CSMD1: variants seen among roughly 807,000 people sequenced by gnomAD.
CSMD1 encodes the protein CUB and Sushi multiple domains 1.
Under a neutral mutation model 417.5 loss-of-function variants are expected in CSMD1, and 213 were observed. The observed-to-expected ratio is 0.51, with a 90% CI of 0.46 to 0.57. The LOEUF (loss-of-function observed/expected upper bound fraction) is 0.57, where lower values mean the gene tolerates loss of function less well. Among genes scored for constraint, CSMD1 ranks in the 20% least tolerant of loss-of-function variants. CSMD1 has a pLI of 0.00. For missense variants in CSMD1, 6,923 were observed against 4,529.7 expected, an observed-to-expected ratio of 1.53 and a Z score of -15.17; for synonymous variants, 2,862 against 1,736.8, an observed-to-expected ratio of 1.65 and a Z score of -16.11.
At chr8:3,104,554 C>G (rs911647307) in intron 46 of CSMD1, among the ~76,000 whole-genome samples, 1 of 152,048 alleles carries the variant, frequency 6.6e-6, no homozygotes, top group Non-Finnish European at 1.5e-5. Context: ...AAAAAAAAAT[C>G]TAAGTTATTA....
At chr8:3,314,801 T>G (rs191993638) in intron 23 of CSMD1, among the ~76,000 whole-genome samples, 5 of 152,366 alleles carry the variant, frequency 3.3e-5, no homozygotes, top group African/African-American at 1.2e-4. Context: ...AGCTTTCAAG[T>G]ATTCGGATTA....
At chr8:4,650,186 A>C (rs988067419) in intron 1 of CSMD1, among the ~76,000 whole-genome samples, 2 of 151,804 alleles carry the variant, frequency 1.3e-5, no homozygotes, top group Non-Finnish European at 2.9e-5. Flanking sequence ...TCTAATAAAA[A>C]TCCAAAAAAT....
At chr8:3,926,094 C>CACACACACAAACACCATACAT (rs1281998066) in intron 5 of CSMD1, among the ~76,000 whole-genome samples, 1,399 of 59,906 alleles carry the variant, frequency 0.023, 75 homozygotes, top group African/African-American at 0.13. Context: ...CACACACACA[C>CACACACACAAACACCATACAT]ACACACACAC....
intron 26 of CSMD1, among the ~76,000 whole-genome samples, chr8:3,235,925 T>TTG (rs1352343313): frequency 1.4e-5 from 2 of 146,210 alleles, no homozygotes; most frequent in Non-Finnish European, 3.0e-5. Context: ...AGTTTTTTTT[T>TTG]TTTTTTTTTT....
At chr8:4,969,862 G>C (rs984073540) in intron 1 of CSMD1, among the ~76,000 whole-genome samples, 1 of 151,570 alleles carries the variant, frequency 6.6e-6, no homozygotes, top group Non-Finnish European at 1.5e-5. Flanking sequence ...AAACAAGTAG[G>C]ATATAGTGTC....
intron 1 of CSMD1, among the ~76,000 whole-genome samples, chr8:4,830,452 T>C (rs1437489039): frequency 6.6e-6 from 1 of 152,218 alleles, no homozygotes; most frequent in Admixed American, 6.5e-5. Context: ...TTTCAGATAA[T>C]GACTTAGGAT....
intron 2 of CSMD1, among the ~76,000 whole-genome samples, chr8:4,578,332 A>ATTTTTCTTTTTTTTTTTTTTTT (rs1799238990): frequency 4.1e-5 from 2 of 48,778 alleles, no homozygotes; most frequent in African/African-American, 1.5e-4. Context: ...CACCCGGCTC[A>ATTTTTCTTTTTTTTTTTTTTTT]TTTTTTTTTT....
At chr8:4,405,677 G>A (rs566487789) in intron 3 of CSMD1, among the ~76,000 whole-genome samples, 5 of 152,096 alleles carry the variant, frequency 3.3e-5, no homozygotes, top group Non-Finnish European at 5.9e-5. Context: ...ATCACTCATC[G>A]CTAAGCTCCA....
chr8:3,703,458 T>TCATG (rs1425146781), intron 7 of CSMD1, among the ~76,000 whole-genome samples: 3 of 152,148 alleles, frequency 2.0e-5, no homozygotes, highest in Non-Finnish European at 4.4e-5. Flanking sequence ...ATTCATTCAT[T>TCATG]CATTCATTCA....
intron 1 of CSMD1, among the ~76,000 whole-genome samples, chr8:4,654,315 G>T (rs1804091357): frequency 2.0e-5 from 3 of 152,018 alleles, no homozygotes; most frequent in Admixed American, 2.0e-4. Flanking sequence ...AATGGTTCAG[G>T]GATGTATTGC....
At chr8:3,959,500 A>G (rs1047186646) in intron 5 of CSMD1, among the ~76,000 whole-genome samples, 17 of 152,326 alleles carry the variant, frequency 1.1e-4, no homozygotes, top group African/African-American at 4.1e-4. Flanking sequence ...CTCCGTCAAG[A>G]AAGAAATAAT....
chr8:4,279,334 C>G (rs1796655095), intron 3 of CSMD1, among the ~76,000 whole-genome samples: 1 of 152,172 alleles, frequency 6.6e-6, no homozygotes, highest in Non-Finnish European at 1.5e-5. Flanking sequence ...ACACACAAGA[C>G]TAGACAGATA....
chr8:4,613,961 T>C (rs1801330401), intron 2 of CSMD1, among the ~76,000 whole-genome samples: 1 of 152,076 alleles, frequency 6.6e-6, no homozygotes, highest in African/African-American at 2.4e-5. Context: ...GAATTTTTAT[T>C]GTTAGGAATC....
At chr8:3,300,176 C>A (rs1276949264) in intron 25 of CSMD1, among the ~76,000 whole-genome samples, 1 of 151,986 alleles carries the variant, frequency 6.6e-6, no homozygotes. Context: ...AAACATTTGG[C>A]CATGTTTATT....
At position 4,311,861 on chromosome 8, in the gene CSMD1, C is replaced by A. The variant is rs111841350; in HGVS notation, c.415+108092G>T. On this transcript the variant is annotated intron_variant, in intron 3 of 69. Transcript: ENST00000635120. ...GAGCGGAAAAGATCACTGTTAGGTA[C>A]TGGGTATAATACCTGGGTGATCAAA... Among the ~76,000 whole-genome samples the A allele has an allele frequency of 1.9e-3, 292 of 152,154 alleles. 1 individual carries two copies. Among genetic ancestry groups the A allele is most frequent in the African/African-American group, 6.7e-3 (280 of 41,484 alleles).
intron 3 of CSMD1, among the ~76,000 whole-genome samples, chr8:4,045,664 A>C (rs535966511): frequency 1.3e-5 from 2 of 152,234 alleles, no homozygotes; most frequent in South Asian, 4.1e-4. Flanking sequence ...TTGTAGTAGA[A>C]ATAATTTTAA....
chr8:3,026,005 T>C (rs1381879280), intron 51 of CSMD1, among the ~76,000 whole-genome samples: 2 of 152,152 alleles, frequency 1.3e-5, no homozygotes, highest in Non-Finnish European at 2.9e-5. Context: ...GTCCCACCCC[T>C]GAGTCGAGAC....
intron 2 of CSMD1, among the ~76,000 whole-genome samples, chr8:4,557,144 T>G (rs1405513962): frequency 6.6e-6 from 1 of 152,202 alleles, no homozygotes; most frequent in African/African-American, 2.4e-5. Context: ...AGGTTAATTT[T>G]GCTTTTCCTT....
chr8:4,153,046 G>T (rs569943256), intron 3 of CSMD1, among the ~76,000 whole-genome samples: 2 of 152,092 alleles, frequency 1.3e-5, no homozygotes, highest in Non-Finnish European at 2.9e-5. Flanking sequence ...GACTTGTAAC[G>T]TGTTATTAAC....
Sources: allele counts gnomAD v4.1 joint callset (sites outside exome capture counted in the v4.1 genomes callset), GRCh38; gene constraint gnomAD v4.1.1; transcripts MANE v1.5; gene names NCBI Gene and HGNC (gene_info 2026-07-23, HGNC 2026-07-21).